Variants in CLIC5 observed in about 807,000 individuals in gnomAD.
The protein encoded by CLIC5 is chloride intracellular channel protein 5.
A neutral mutation model predicts 24.7 loss-of-function variants in CLIC5; 20 were observed. That is an observed-to-expected ratio of 0.81 (90% CI 0.57 to 1.18). CLIC5 has a LOEUF of 1.18. Ranked by LOEUF, CLIC5 falls within the 50% of genes most tolerant of loss-of-function variation. The pLI is 0.00. For synonymous variants in CLIC5, 159 were observed against 135.6 expected (o/e 1.17, Z -1.20); for missense variants, 341 against 326.1 (o/e 1.05, Z -0.35).
chr6:45,986,892 T>C (rs545815317), intron 1 of CLIC5, among the ~76,000 whole-genome samples: 4 of 152,364 alleles, frequency 2.6e-5, no homozygotes, highest in Admixed American at 2.0e-4. Flanking sequence ...AGGAGTCTTG[T>C]GCAGGGACAG....
At chr6:46,078,856 G>A (rs909504648) in intron 1 of CLIC5, among the ~76,000 whole-genome samples, 2 of 152,168 alleles carry the variant, frequency 1.3e-5, no homozygotes, top group Admixed American at 1.3e-4. Flanking sequence ...ACTGGGAACT[G>A]GGGAAGAGAG....
intron 1 of CLIC5, among the ~76,000 whole-genome samples, chr6:45,973,529 C>T (rs377676841): frequency 6.0e-4 from 91 of 152,120 alleles, no homozygotes; most frequent in African/African-American, 1.9e-3. Flanking sequence ...TTTTGCCAAC[C>T]AACATCCCAA....
the CLIC5 span, among the ~76,000 whole-genome samples, chr6:46,108,970 G>C: frequency 6.6e-6 from 1 of 152,140 alleles, no homozygotes; most frequent in Non-Finnish European, 1.5e-5. Context: ...GGCAAGCATT[G>C]TCAAATAAGA....
chr6:46,070,710 T>A (rs1237619484), intron 1 of CLIC5, among the ~76,000 whole-genome samples: 1 of 150,402 alleles, frequency 6.6e-6, no homozygotes, highest in Admixed American at 6.6e-5. Flanking sequence ...TACACAGAAC[T>A]AAAAAAAAAG....
rs146694093 is a variant in CLIC5 at position 45,899,389 on chromosome 6, C to T, written c.*3699G>A. On this transcript the variant is annotated 3_prime_UTR_variant, in exon 6 of 6. Coordinates refer to ENST00000339561, the MANE Select transcript of CLIC5 (RefSeq NM_016929.5). The stretch of plus-strand genomic sequence containing the variant: ...GGATGACACCAGCATCTTGATTCAC[C>T]GTGCAGTTGAGATGGCCCCTGGCCA... The T allele has an allele frequency of 3.9e-5, 6 of 152,282 alleles. No individual in the cohort carries two copies. The East Asian group carries it at 1.2e-3, about 29-fold the overall frequency. The allele number at this position is 152,282 out of a possible 1,614,324, so 9.4% of individuals were successfully genotyped here.
intron 6 of CLIC5, among the ~76,000 whole-genome samples, chr6:45,888,339 T>C (rs1377262281): frequency 1.3e-5 from 2 of 152,222 alleles, no homozygotes; most frequent in African/African-American, 4.8e-5. Flanking sequence ...CATTTCTTAA[T>C]TTACTTCTGT....
chr6:45,886,908 C>A (rs926077984), intron 6 of CLIC5, among the ~76,000 whole-genome samples: 2 of 152,190 alleles, frequency 1.3e-5, no homozygotes, highest in African/African-American at 4.8e-5. Flanking sequence ...ATCTCCTGAT[C>A]ATTCCTGGGA....
chr6:46,084,604 C>A (rs1292751220), upstream of CLIC5, among the ~76,000 whole-genome samples: 1 of 152,338 alleles, frequency 6.6e-6, no homozygotes, highest in East Asian at 1.9e-4. Flanking sequence ...TATTGGCCCC[C>A]ACTCTCTTCT....
intron 4 of CLIC5, among the ~76,000 whole-genome samples, chr6:45,934,948 G>A (rs1162765239): frequency 1.3e-5 from 2 of 152,194 alleles, no homozygotes; most frequent in South Asian, 2.1e-4. Context: ...TGCCATATGC[G>A]ATGGGGACAG....
At chr6:46,012,142 A>G (rs1454485103) in intron 1 of CLIC5, among the ~76,000 whole-genome samples, 1 of 152,210 alleles carries the variant, frequency 6.6e-6, no homozygotes, top group African/African-American at 2.4e-5. Flanking sequence ...TTCCAGCCTA[A>G]TTATTGATAT....
At chr6:45,906,529 A>C (rs1481032566) in intron 5 of CLIC5, among the ~76,000 whole-genome samples, 1 of 150,976 alleles carries the variant, frequency 6.6e-6, no homozygotes, top group African/African-American at 2.4e-5. Context: ...TAATATTGTT[A>C]GCATACAGAA....
chr6:46,109,632 AT>A, the CLIC5 span, among the ~76,000 whole-genome samples: 1 of 150,866 alleles, frequency 6.6e-6, no homozygotes, highest in African/African-American at 2.4e-5. Context: ...GACTGAAATA[AT>A]TTTTTATAAC....
chr6:45,989,609 G>A (rs1395972083), intron 1 of CLIC5, among the ~76,000 whole-genome samples: 1 of 152,162 alleles, frequency 6.6e-6, no homozygotes, highest in African/African-American at 2.4e-5. Flanking sequence ...ATGGTCAAGT[G>A]AGAAAGGCCC....
In CLIC5 at chr6:46,015,773, G is replaced by C. The variant is rs1766982470; in HGVS notation, c.-231C>G. The C allele has an allele frequency of 8.1e-7, 1 of 1,230,678 alleles. No homozygotes were observed. The highest frequency in any genetic ancestry group is 1.6e-5 in the African/African-American group (1 of 64,188). 76.2% of individuals were successfully genotyped at this position (1,230,678 alleles called of 1,614,324 possible). A position where few individuals can be genotyped will look rare whatever the true frequency, so the allele number is the denominator to read the frequency against. On this transcript the variant is annotated 5_prime_UTR_variant, in exon 1 of 6. Transcript: ENST00000339561. Reference sequence around the variant, plus strand: ...CCGGGAGGAGGCGGGGGGCCACGGGGAAAGCCGGGTTAAGGGAATGACAAC... The same window carrying C: ...CCGGGAGGAGGCGGGGGGCCACGGGCAAAGCCGGGTTAAGGGAATGACAAC...
At chr6:46,097,275 A>T in the CLIC5 span, 1 of 152,236 alleles carries the variant, frequency 6.6e-6, no homozygotes, top group Non-Finnish European at 1.5e-5. Flanking sequence ...TGTTTATTGT[A>T]GAATCTGAGT....
At chr6:45,985,882 T>C (rs1454936221) in intron 1 of CLIC5, among the ~76,000 whole-genome samples, 1 of 152,172 alleles carries the variant, frequency 6.6e-6, no homozygotes, top group Non-Finnish European at 1.5e-5. Context: ...AATCTCATCT[T>C]GAATTGTAGC....
exon 1 of CLIC5, chr6:46,080,297 A>G (rs1414403258): frequency 6.9e-7 from 1 of 1,448,230 alleles, no homozygotes; most frequent in African/African-American, 1.4e-5. Context: ...TCTGAAATGA[A>G]TGAAGGGACA....
the CLIC5 span, among the ~76,000 whole-genome samples, chr6:46,102,202 C>T: frequency 1.3e-5 from 2 of 152,088 alleles, no homozygotes; most frequent in Admixed American, 6.5e-5. Flanking sequence ...GAAAATTGTC[C>T]GATTTTTGCT....
intron 6 of CLIC5, among the ~76,000 whole-genome samples, chr6:45,887,494 C>T (rs1454668056): frequency 6.6e-6 from 1 of 152,158 alleles, no homozygotes. Context: ...CATATGAGAC[C>T]TCATTTTAAC....
Sources: gnomAD v4.1 joint callset for allele counts (sites outside exome capture counted in the v4.1 genomes callset) on GRCh38, gnomAD v4.1.1 for gene constraint, MANE v1.5 for transcripts, NCBI Gene and HGNC (gene_info 2026-07-23, HGNC 2026-07-21) for gene names.